Variants in KCNAB1 observed in about 807,000 individuals in gnomAD.
The protein encoded by KCNAB1 is potassium voltage-gated channel subfamily A regulatory beta subunit 1, also known as voltage-gated potassium channel subunit beta-1.
In KCNAB1, 35 loss-of-function variants were observed where a neutral mutation model predicts 64.6. The observed-to-expected ratio is 0.54, with a 90% CI of 0.41 to 0.72. The LOEUF (loss-of-function observed/expected upper bound fraction) is 0.72. Ranked by LOEUF, KCNAB1 falls within the 30% of genes least tolerant of loss-of-function variation. The probability of loss-of-function intolerance (pLI) is 0.00; values close to 1 mark genes in which losing one functional copy is unlikely to be tolerated. For missense variants in KCNAB1, 401 were observed against 512.9 expected (o/e 0.78, Z 2.11); for synonymous variants, 177 against 183.8 (o/e 0.96, Z 0.30).
chr3:156,210,985 TC>T (rs947786504), intron 1 of KCNAB1, among the ~76,000 whole-genome samples: 1 of 152,184 alleles, frequency 6.6e-6, no homozygotes, highest in Non-Finnish European at 1.5e-5. Context: ...TGTGGAGGTT[TC>T]AAAGATTTTT....
chr3:156,369,389 G>A (rs1466879850), intron 1 of KCNAB1, among the ~76,000 whole-genome samples: 1 of 152,162 alleles, frequency 6.6e-6, no homozygotes, highest in African/African-American at 2.4e-5. Context: ...TATAAATAAA[G>A]CCATCATGAA....
At chr3:156,460,827 T>A (rs1279894526) in intron 5 of KCNAB1, among the ~76,000 whole-genome samples, 1 of 152,196 alleles carries the variant, frequency 6.6e-6, no homozygotes. Flanking sequence ...AAACTCTCTC[T>A]AGGAAGCAAA....
chr3:156,269,750 T>C (rs1036654024), intron 1 of KCNAB1, among the ~76,000 whole-genome samples: 4 of 152,222 alleles, frequency 2.6e-5, no homozygotes, highest in Admixed American at 2.6e-4. Context: ...TCTATAGTTT[T>C]TGTCTTGAAA....
chr3:156,335,718 C>T (rs913662024), intron 1 of KCNAB1, among the ~76,000 whole-genome samples: 1 of 152,116 alleles, frequency 6.6e-6, no homozygotes, highest in South Asian at 2.1e-4. Flanking sequence ...GTCAACATTT[C>T]ACCTGTCGTT....
At chr3:156,290,745 C>A (rs547857128) in intron 1 of KCNAB1, among the ~76,000 whole-genome samples, 1 of 152,270 alleles carries the variant, frequency 6.6e-6, no homozygotes, top group South Asian at 2.1e-4. Flanking sequence ...CTAGTGCATC[C>A]CCCTCCTGAG....
At chr3:156,394,284 T>C (rs1321605747) in intron 1 of KCNAB1, among the ~76,000 whole-genome samples, 2 of 152,122 alleles carry the variant, frequency 1.3e-5, no homozygotes, top group Non-Finnish European at 2.9e-5. Context: ...AGCTCAGCAG[T>C]ACTGAGGGAA....
chr3:156,458,255 A>G (rs1381078628), intron 4 of KCNAB1, among the ~76,000 whole-genome samples: 1 of 152,202 alleles, frequency 6.6e-6, no homozygotes, highest in Non-Finnish European at 1.5e-5. Context: ...CACATAGGAA[A>G]TGCGCCAGGC....
At chr3:156,471,660 TA>T (rs1299389496) in intron 7 of KCNAB1, among the ~76,000 whole-genome samples, 1 of 152,238 alleles carries the variant, frequency 6.6e-6, no homozygotes, top group Non-Finnish European at 1.5e-5. Context: ...TACTTAAACT[TA>T]AAACAATACC....
intron 1 of KCNAB1, among the ~76,000 whole-genome samples, chr3:156,210,991 AT>A: frequency 6.6e-6 from 1 of 152,272 alleles, no homozygotes; most frequent in African/African-American, 2.4e-5. Context: ...GGTTTCAAAG[AT>A]TTTTTAAAAG....
intron 1 of KCNAB1, among the ~76,000 whole-genome samples, chr3:156,385,610 T>A (rs1187210379): frequency 6.6e-6 from 1 of 152,232 alleles, no homozygotes; most frequent in East Asian, 1.9e-4. Flanking sequence ...CAAAATAAAT[T>A]ATACTAAGAG....
At chr3:156,177,796 A>T (rs1712501550) in intron 1 of KCNAB1, among the ~76,000 whole-genome samples, 1 of 152,116 alleles carries the variant, frequency 6.6e-6, no homozygotes. Flanking sequence ...GCTGGAGTGC[A>T]ATGGCATGAT....
intron 1 of KCNAB1, among the ~76,000 whole-genome samples, chr3:156,405,955 A>G (rs980653531): frequency 6.6e-6 from 1 of 152,148 alleles, no homozygotes; most frequent in Non-Finnish European, 1.5e-5. Flanking sequence ...GGAGCTCTTG[A>G]TTCAATATAT....
At chr3:156,172,080 G>A (rs1323323157) in intron 1 of KCNAB1, among the ~76,000 whole-genome samples, 1 of 152,266 alleles carries the variant, frequency 6.6e-6, no homozygotes, top group Admixed American at 6.5e-5. Context: ...TAGGAACAAG[G>A]TGAGCGTTTG....
chr3:156,360,844 G>A (rs1251456907), intron 1 of KCNAB1, among the ~76,000 whole-genome samples: 1 of 151,718 alleles, frequency 6.6e-6, no homozygotes, highest in Non-Finnish European at 1.5e-5. Context: ...AAATGTATCC[G>A]AATTCCAGCT....
intron 1 of KCNAB1, among the ~76,000 whole-genome samples, chr3:156,373,070 G>T (rs1427062931): frequency 6.6e-6 from 1 of 152,248 alleles, no homozygotes; most frequent in African/African-American, 2.4e-5. Flanking sequence ...ATAAAATTAT[G>T]TGTGTAAATT....
chr3:156,279,055 C>G (rs1021308960), intron 1 of KCNAB1, among the ~76,000 whole-genome samples: 2 of 151,130 alleles, frequency 1.3e-5, no homozygotes, highest in Non-Finnish European at 2.9e-5. Flanking sequence ...CATGCTGGTG[C>G]GCTTCACCCA....
rs368397972 is a variant in KCNAB1 at position 156,272,494 on chromosome 3, G to A, written c.276-149122G>A. 3.7e-4 allele frequency among the ~76,000 whole-genome samples: 57 copies of A among 152,034 alleles called. No homozygotes were observed. The South Asian group carries it at 0.011, about 30-fold the overall frequency. The stretch of plus-strand genomic sequence containing the variant: ...GTCTCGCCATGTTCACCACTACCAC[G>A]GCCCTGTGTGCAATACTCCCGGGCT... On this transcript the variant is annotated intron_variant, in intron 1 of 13. Coordinates refer to ENST00000490337, the MANE Select transcript of KCNAB1 (RefSeq NM_172160.3).
rs1257782168 is a variant in KCNAB1 at position 156,428,488 on chromosome 3, T to TATACACACACACACAC, written c.319+6830_319+6831insTACACACACACACACA. Among the ~76,000 whole-genome samples, 3 of 127,568 alleles carry TATACACACACACACAC rather than the reference T, an allele frequency of 2.4e-5. No individual in the cohort carries two copies. The East Asian group carries it at 6.6e-4, about 28-fold the overall frequency. 83.7% of individuals were successfully genotyped at this position (127,568 alleles called of 152,430 possible). A position where few individuals can be genotyped will look rare whatever the true frequency, so the allele number is the denominator to read the frequency against. On this transcript the variant is annotated intron_variant, in intron 2 of 13. Coordinates refer to ENST00000490337, the MANE Select transcript of KCNAB1 (RefSeq NM_172160.3). The stretch of plus-strand genomic sequence containing the variant: ...GAGCCAATTCCTTATAATTCCTCTA[T>TATACACACACACACAC]ACACACACACACACACACACACACA...
At chr3:156,249,864 G>T (rs778688561) in intron 1 of KCNAB1, among the ~76,000 whole-genome samples, 3 of 152,200 alleles carry the variant, frequency 2.0e-5, no homozygotes, top group Non-Finnish European at 2.9e-5. Context: ...GGAAAGGGGA[G>T]CACAAACCTT....
Sources: gnomAD v4.1 joint callset for allele counts (sites outside exome capture counted in the v4.1 genomes callset) on GRCh38, gnomAD v4.1.1 for gene constraint, MANE v1.5 for transcripts, NCBI Gene and HGNC (gene_info 2026-07-23, HGNC 2026-07-21) for gene names.